Variants in PTPRN2 observed in about 807,000 individuals in gnomAD.
PTPRN2 encodes the protein protein tyrosine phosphatase receptor type N2, also known as receptor-type tyrosine-protein phosphatase N2.
PTPRN2 carries 74 observed loss-of-function variants against 118.8 expected under a neutral mutation model. That is an observed-to-expected ratio of 0.62 (90% CI 0.52 to 0.76). PTPRN2 has a LOEUF of 0.76. Ranked by LOEUF, PTPRN2 falls within the 30% of genes least tolerant of loss-of-function variation. The pLI is 0.00. For synonymous variants in PTPRN2, 641 were observed against 608.0 expected (o/e 1.05, Z -0.80); for missense variants, 1,481 against 1,394.4 (o/e 1.06, Z -0.99).
At chr7:158,566,352 CA>C (rs371158822) in intron 1 of PTPRN2, among the ~76,000 whole-genome samples, 2,035 of 127,520 alleles carry the variant, frequency 0.016, 26 homozygotes, top group African/African-American at 0.049. Context: ...AAAACTGTCT[CA>C]AAAAAAAAAA....
intron 9 of PTPRN2, among the ~76,000 whole-genome samples, chr7:158,131,625 ACATACACACT>A (rs1818308264): frequency 6.6e-6 from 1 of 151,670 alleles, no homozygotes; most frequent in Non-Finnish European, 1.5e-5. Context: ...CATCTACCCG[ACATACACACT>A]CATACACACA....
chr7:158,443,014 C>G (rs1586688588), intron 2 of PTPRN2, among the ~76,000 whole-genome samples: 1 of 138,694 alleles, frequency 7.2e-6, no homozygotes, highest in African/African-American at 2.7e-5. Context: ...CTAAAGCAGA[C>G]AGAAGCCTTT....
At chr7:157,955,668 C>T (rs1176889983) in intron 11 of PTPRN2, among the ~76,000 whole-genome samples, 3 of 152,174 alleles carry the variant, frequency 2.0e-5, no homozygotes, top group Non-Finnish European at 4.4e-5. Context: ...TTTTAAGTGG[C>T]AGGGCACAGC....
At chr7:157,803,888 GA>G (rs1450773765) in intron 12 of PTPRN2, among the ~76,000 whole-genome samples, 47 of 152,222 alleles carry the variant, frequency 3.1e-4, no homozygotes, top group Admixed American at 1.0e-3. Flanking sequence ...GGTTTTTCAT[GA>G]TGGCAAAATA....
chr7:157,793,442 A>G (rs1277885312), intron 12 of PTPRN2, among the ~76,000 whole-genome samples: 1 of 152,080 alleles, frequency 6.6e-6, no homozygotes, highest in Non-Finnish European at 1.5e-5. Flanking sequence ...TGTTCAAATT[A>G]TAAGTAGAAT....
chr7:158,160,582 G>GAA, intron 6 of PTPRN2, among the ~76,000 whole-genome samples: 1 of 152,206 alleles, frequency 6.6e-6, no homozygotes, highest in Non-Finnish European at 1.5e-5. Flanking sequence ...AATTTCTTGA[G>GAA]ATCTCAGCTC....
chr7:157,890,532 C>T (rs1796738796), intron 12 of PTPRN2, among the ~76,000 whole-genome samples: 1 of 152,186 alleles, frequency 6.6e-6, no homozygotes, highest in Admixed American at 6.5e-5. Flanking sequence ...GTCCCAGCTA[C>T]TCGGGAGGCT....
chr7:157,943,861 G>A (rs940062961), intron 11 of PTPRN2, among the ~76,000 whole-genome samples: 1 of 152,184 alleles, frequency 6.6e-6, no homozygotes, highest in South Asian at 2.1e-4. Context: ...GGCCGCAGGT[G>A]TCTAAGGGTC....
rs762760822 is a variant in PTPRN2, at chr7:157,604,091, G to A, written c.2345-16C>T. ...GAGTGGTCATCTGCAAGGACACAGTGCAGGGGTCAGAGGAACATTGGCCCA... is the reference window on the plus strand; with the variant it reads ...GAGTGGTCATCTGCAAGGACACAGTACAGGGGTCAGAGGAACATTGGCCCA... On this transcript the variant is annotated splice_polypyrimidine_tract_variant and intron_variant, in intron 15 of 22. Coordinates refer to ENST00000389418, the MANE Select transcript of PTPRN2 (RefSeq NM_002847.5). 4.3e-6 allele frequency: 7 copies of A among 1,612,786 alleles called. No individual in the cohort carries two copies. Among genetic ancestry groups the A allele is most frequent in the Non-Finnish European group, 5.9e-6 (7 of 1,179,456 alleles).
chr7:157,967,896 T>G (rs930585782), intron 11 of PTPRN2, among the ~76,000 whole-genome samples: 20 of 152,192 alleles, frequency 1.3e-4, no homozygotes, highest in African/African-American at 4.8e-4. Context: ...TCCAATGAGC[T>G]CATCTCATGC....
rs528012229 is a variant in PTPRN2, at chr7:157,761,890, A to T, written c.1789-78953T>A. Among the ~76,000 whole-genome samples the T allele has an allele frequency of 8.8e-3, 1,335 of 152,304 alleles. 14 individuals carry two copies. The highest frequency in any genetic ancestry group is 0.011 in the Non-Finnish European group (715 of 68,030). ...AATATCCAGAATCTACAATGAACTCAAACAAATTTACAAGAAAAAAACCCC... is the reference window on the plus strand; with the variant it reads ...AATATCCAGAATCTACAATGAACTCTAACAAATTTACAAGAAAAAAACCCC... On this transcript the variant is annotated intron_variant, in intron 12 of 22. Transcript: ENST00000389418.
chr7:157,555,312 C>G (rs1798825881), intron 21 of PTPRN2, among the ~76,000 whole-genome samples: 1 of 152,124 alleles, frequency 6.6e-6, no homozygotes, highest in Non-Finnish European at 1.5e-5. Flanking sequence ...AACCATTAAA[C>G]AAAAGCCATT....
intron 2 of PTPRN2, among the ~76,000 whole-genome samples, chr7:158,458,884 C>T (rs1416518929): frequency 6.6e-6 from 1 of 152,192 alleles, no homozygotes; most frequent in African/African-American, 2.4e-5. Context: ...CCCCTGAGGA[C>T]TGCGTGATCT....
chr7:157,951,918 C>A (rs994868137), intron 11 of PTPRN2, among the ~76,000 whole-genome samples: 2 of 152,128 alleles, frequency 1.3e-5, no homozygotes, highest in African/African-American at 4.8e-5. Flanking sequence ...CTGGCCTGGG[C>A]GCCCACTCAC....
At chr7:157,563,293 G>A (rs1344660889) in intron 21 of PTPRN2, among the ~76,000 whole-genome samples, 7 of 111,394 alleles carry the variant, frequency 6.3e-5, no homozygotes, top group South Asian at 7.0e-4. Context: ...ACCACACACA[G>A]CAGATCAGGA....
At chr7:157,854,250 G>A (rs570006472) in intron 12 of PTPRN2, among the ~76,000 whole-genome samples, 4 of 152,332 alleles carry the variant, frequency 2.6e-5, no homozygotes, top group East Asian at 3.9e-4. Flanking sequence ...GTCATCCCCC[G>A]ACATGAAGGC....
rs1035979302 is a variant in PTPRN2, at chr7:157,688,674, G to A, written c.1789-5737C>T. ...AGAACCAGACCCTCTTCAGGACTGG[G>A]GGGGTTACCGCTTCGCCTCCTCTAC... is the stretch of plus-strand genomic sequence containing the variant. On this transcript the variant is annotated intron_variant, in intron 12 of 22. Coordinates refer to ENST00000389418, the MANE Select transcript of PTPRN2 (RefSeq NM_002847.5). Among the ~76,000 whole-genome samples, 10 of 152,338 alleles carry A rather than the reference G, an allele frequency of 6.6e-5. No individual in the cohort carries two copies. The East Asian group carries it at 1.2e-3, about 18-fold the overall frequency.
chr7:158,541,654 C>G, intron 1 of PTPRN2: 1 of 1,341,540 alleles, frequency 7.5e-7, no homozygotes, highest in Non-Finnish European at 9.8e-7. Flanking sequence ...TATAATTCTA[C>G]CAAGGTACGA....
chr7:158,140,990 G>C (rs978903604), intron 6 of PTPRN2, among the ~76,000 whole-genome samples: 4 of 152,120 alleles, frequency 2.6e-5, no homozygotes, highest in African/African-American at 9.7e-5. Flanking sequence ...GCAGAGTGAC[G>C]CAGAGGGGAC....
Sources: gnomAD v4.1 joint callset for allele counts (sites outside exome capture counted in the v4.1 genomes callset) on GRCh38, gnomAD v4.1.1 for gene constraint, MANE v1.5 for transcripts, NCBI Gene and HGNC (gene_info 2026-07-23, HGNC 2026-07-21) for gene names.